Variants in BCAS3 observed in about 807,000 individuals in gnomAD.
BCAS3 encodes BCAS4/BCAS3 fusion.
BCAS3 carries 53 observed loss-of-function variants against 116.1 expected under a neutral mutation model. The ratio of observed to expected loss-of-function variants is 0.46; its 90% CI spans 0.37 to 0.57. The LOEUF (loss-of-function observed/expected upper bound fraction) is 0.57, where lower values mean the gene tolerates loss of function less well. Among genes scored for constraint, BCAS3 ranks in the 20% least tolerant of loss-of-function variants. BCAS3 has a pLI of 0.00. For synonymous variants in BCAS3, 391 were observed against 408.2 expected (o/e 0.96, Z 0.51); for missense variants, 917 against 1,165.4 (o/e 0.79, Z 3.10).
chr17:61,372,273 ACG>A (rs2059088690), intron 23 of BCAS3, among the ~76,000 whole-genome samples: 1 of 152,138 alleles, frequency 6.6e-6, no homozygotes, highest in Non-Finnish European at 1.5e-5. Context: ...TGCAATAGAG[ACG>A]CAGAGACGAT....
intron 7 of BCAS3, among the ~76,000 whole-genome samples, chr17:60,819,901 T>A (rs370493953): frequency 4.2e-4 from 64 of 152,242 alleles, no homozygotes; most frequent in African/African-American, 1.5e-3. Flanking sequence ...TAGCTAGGAC[T>A]ACAGGCGTGA....
intron 6 of BCAS3, among the ~76,000 whole-genome samples, chr17:60,781,756 G>A (rs117275720): frequency 0.012 from 1,886 of 152,112 alleles, 10 homozygotes; most frequent in Middle Eastern, 0.027. Flanking sequence ...TTACAATTAT[G>A]TGTATTTCTT....
chr17:60,705,123 AC>A, intron 4 of BCAS3, among the ~76,000 whole-genome samples: 2 of 152,144 alleles, frequency 1.3e-5, no homozygotes, highest in South Asian at 4.1e-4. Context: ...TACAGAAATA[AC>A]CATGAAAGTC....
At chr17:60,774,288 T>A (rs2045055463) in intron 6 of BCAS3, among the ~76,000 whole-genome samples, 1 of 152,204 alleles carries the variant, frequency 6.6e-6, no homozygotes, top group African/African-American at 2.4e-5. Context: ...ATTTTTCACT[T>A]ACAATTTGCG....
rs1329224392 is a variant in BCAS3 at position 61,188,575 on chromosome 17, C to T, written c.2425+104011C>T. Among the ~76,000 whole-genome samples, 3 of 152,198 alleles carry T rather than the reference C, an allele frequency of 2.0e-5. No homozygotes were observed. Among genetic ancestry groups the T allele is most frequent in the African/African-American group, 7.2e-5 (3 of 41,454 alleles). ...CAACTTTATTGTTATTGGTGATTCT[C>T]TTTCTTTTTCTCTAAACCTTAGCAG... On this transcript the variant is annotated intron_variant, in intron 22 of 23. Transcript: ENST00000407086. This position sits in a 1 kb window ranked among gnomAD's most constrained non-coding sequence, Gnocchi z 4.0.
At chr17:60,723,225 A>C (rs578222782) in intron 5 of BCAS3, among the ~76,000 whole-genome samples, 1 of 151,802 alleles carries the variant, frequency 6.6e-6, no homozygotes, top group South Asian at 2.1e-4. Flanking sequence ...AATTTCCATA[A>C]ATTATTATTA....
chr17:60,806,204 A>T (rs2048273065), intron 6 of BCAS3, among the ~76,000 whole-genome samples: 1 of 152,094 alleles, frequency 6.6e-6, no homozygotes, highest in African/African-American at 2.4e-5. Context: ...TGCTAGGTTG[A>T]ACAAAGAATG....
intron 5 of BCAS3, among the ~76,000 whole-genome samples, chr17:60,738,652 C>T (rs931367906): frequency 1.3e-5 from 2 of 152,094 alleles, no homozygotes; most frequent in African/African-American, 4.8e-5. Flanking sequence ...TCCGTTTTCA[C>T]AATCTCTGTT....
At chr17:60,914,919 A>T (rs1374547019) in intron 12 of BCAS3, among the ~76,000 whole-genome samples, 3 of 152,160 alleles carry the variant, frequency 2.0e-5, no homozygotes, top group African/African-American at 7.2e-5. Flanking sequence ...GGAAAGTCAT[A>T]TGCAGATTTT....
intron 6 of BCAS3, among the ~76,000 whole-genome samples, chr17:60,795,904 G>C (rs1462311218): frequency 6.6e-6 from 1 of 152,120 alleles, no homozygotes; most frequent in African/African-American, 2.4e-5. Context: ...TGGCCAGGCT[G>C]CTCTCGAACT....
chr17:60,681,729 CATAT>C (rs1177373163), intron 2 of BCAS3, among the ~76,000 whole-genome samples: 1 of 147,402 alleles, frequency 6.8e-6, no homozygotes, highest in Non-Finnish European at 1.5e-5. Flanking sequence ...TTTTTGTATA[CATAT>C]ATATATATTT....
intron 22 of BCAS3, among the ~76,000 whole-genome samples, chr17:61,146,510 G>A (rs1354162203): frequency 6.6e-6 from 1 of 152,134 alleles, no homozygotes; most frequent in Non-Finnish European, 1.5e-5. Context: ...GCTCTTAGGA[G>A]TGTTTCTGCC....
intron 23 of BCAS3, chr17:61,389,339 A>G (rs1404257833): frequency 6.5e-6 from 1 of 152,798 alleles, no homozygotes; most frequent in Admixed American, 6.5e-5. Flanking sequence ...TGTCTCAGAC[A>G]TAATAACGGG....
chr17:60,877,919 A>G (rs1203785912), intron 9 of BCAS3, among the ~76,000 whole-genome samples: 1 of 152,246 alleles, frequency 6.6e-6, no homozygotes, highest in Non-Finnish European at 1.5e-5. Context: ...TGAAAAAAGT[A>G]GTAAATAAAA....
chr17:60,684,114 T>C lies in BCAS3; in HGVS notation c.138+78T>C, dbSNP rs2033670238. On this transcript the variant is annotated intron_variant, in intron 3 of 23. Transcript: ENST00000407086. ...ATGTTTGGTTTCCTAAACTTGACAC[T>C]AGTACCAGCAACTTCCAAAAGGTTT... is the stretch of plus-strand genomic sequence containing the variant. 9 of 1,340,308 alleles carry C rather than the reference T, an allele frequency of 6.7e-6. No homozygotes were observed. The South Asian group carries it at 9.7e-5, about 14-fold the overall frequency. The allele number at this position is 1,340,308 out of a possible 1,614,324, so 83.0% of individuals were successfully genotyped here.
At chr17:61,079,878 G>A (rs1286972661) in intron 21 of BCAS3, among the ~76,000 whole-genome samples, 1 of 131,732 alleles carries the variant, frequency 7.6e-6, no homozygotes. Context: ...TTACAGGCAT[G>A]AGTATTTTTT....
chr17:61,374,606 G>T (rs1292805058), intron 23 of BCAS3, among the ~76,000 whole-genome samples: 1 of 152,186 alleles, frequency 6.6e-6, no homozygotes, highest in Admixed American at 6.5e-5. Context: ...ATAGGAAAAG[G>T]CTTCATCTTT....
intron 22 of BCAS3, among the ~76,000 whole-genome samples, chr17:61,129,609 T>G (rs2076225845): frequency 6.6e-6 from 1 of 152,244 alleles, no homozygotes; most frequent in Admixed American, 6.5e-5. Flanking sequence ...ATTTTCAACT[T>G]CCAGGGCCTT....
chr17:60,834,109 CATTT>C (rs2051171956), intron 7 of BCAS3, among the ~76,000 whole-genome samples: 1 of 151,916 alleles, frequency 6.6e-6, no homozygotes, highest in Non-Finnish European at 1.5e-5. Context: ...AATATAATAA[CATTT>C]ATGTAAAATG....
Sources: allele counts gnomAD v4.1 joint callset (sites outside exome capture counted in the v4.1 genomes callset), GRCh38; gene constraint gnomAD v4.1.1; non-coding constraint Gnocchi (gnomAD v3.1); transcripts MANE v1.5; gene names NCBI Gene and HGNC (gene_info 2026-07-23, HGNC 2026-07-21).